DYNC2I1: variants seen among roughly 807,000 people sequenced by gnomAD.
DYNC2I1 encodes the protein cytoplasmic dynein 2 intermediate chain 1.
Under a neutral mutation model 133.4 loss-of-function variants are expected in DYNC2I1, and 89 were observed. That is an observed-to-expected ratio of 0.67 (90% CI 0.56 to 0.80). The LOEUF (loss-of-function observed/expected upper bound fraction) is 0.80, where lower values mean the gene tolerates loss of function less well. Among genes scored for constraint, DYNC2I1 ranks in the 30% least tolerant of loss-of-function variants. The probability of loss-of-function intolerance (pLI) is 0.00; values close to 1 mark genes in which losing one functional copy is unlikely to be tolerated. For synonymous variants in DYNC2I1, 504 were observed against 484.3 expected, an observed-to-expected ratio of 1.04 and a Z score of -0.54; for missense variants, 1,291 against 1,314.5, an observed-to-expected ratio of 0.98 and a Z score of 0.28.
Position 158,945,638 on chromosome 7 carries a change from C to A in DYNC2I1, c.3060C>A (p.Ala1020=). ...AGAAGGCTGGTGGCAGCTTCCTGGC[C>A]CTGGTGCTGGCCAGGGCGTCTGGCT... ...EPEKAGGSFL[A]LVLARASGSI... The change falls in exon 25 of 25, where the codon GCC becomes GCA. Residue 1020 remains alanine (A), a synonymous_variant. Coordinates refer to ENST00000407559, the MANE Select transcript of DYNC2I1 (RefSeq NM_018051.5). This position sits in a 1 kb window ranked among gnomAD's most constrained non-coding sequence, Gnocchi z 4.1. The A allele has an allele frequency of 6.2e-7, 1 of 1,611,830 alleles. No homozygotes were observed. The highest frequency in any genetic ancestry group is 8.5e-7 in the Non-Finnish European group (1 of 1,179,196).
chr7:158,869,463 C>T lies in DYNC2I1; in HGVS notation c.16-392C>T, dbSNP rs114093570. The T allele has an allele frequency of 1.6e-3, 747 of 472,398 alleles. 5 individuals carry two copies. The highest frequency in any genetic ancestry group is 0.013 in the African/African-American group (677 of 50,284). 29.3% of individuals were successfully genotyped at this position (472,398 alleles called of 1,614,324 possible). A position where few individuals can be genotyped will look rare whatever the true frequency, so the allele number is the denominator to read the frequency against. Reference sequence around the variant, plus strand: ...CCAGCGGCCGCAGAAGGAGCACAGACTCCCTCTGTGTGCACAGCATTTGGG... The same window carrying T: ...CCAGCGGCCGCAGAAGGAGCACAGATTCCCTCTGTGTGCACAGCATTTGGG... On this transcript the variant is annotated intron_variant, in intron 1 of 24. Coordinates refer to ENST00000407559, the MANE Select transcript of DYNC2I1 (RefSeq NM_018051.5).
chr7:158,923,584 G>A lies in DYNC2I1; in HGVS notation c.2108G>A (p.Cys703Tyr). 1 of 1,614,006 alleles carries A rather than the reference G, an allele frequency of 6.2e-7. No individual in the cohort carries two copies. Among genetic ancestry groups the A allele is most frequent in the Non-Finnish European group, 8.5e-7 (1 of 1,179,908 alleles). The change falls in exon 17 of 25, where the codon TGC (cysteine) becomes TAC (tyrosine). Residue 703 changes from cysteine to tyrosine, a missense_variant. Coordinates refer to ENST00000407559, the MANE Select transcript of DYNC2I1 (RefSeq NM_018051.5). The part of the protein sequence containing the change: ...LICESQVTCC[C>Y]LSPLKAFLLF... ...TTTGTCTTTTAGGTCACGTGTTGCT[G>A]CTTGAGCCCTTTGAAAGCATTTTTA... is the stretch of plus-strand genomic sequence containing the variant.
chr7:158,865,109 G>A (rs1413448939), intron 1 of DYNC2I1, among the ~76,000 whole-genome samples: 2 of 152,232 alleles, frequency 1.3e-5, no homozygotes, highest in Non-Finnish European at 2.9e-5. Context: ...TGGCACAGGG[G>A]TGGGGTTTGC....
Position 158,871,574 on chromosome 7 carries a change from C to T in DYNC2I1, c.490+12C>T, listed in dbSNP as rs1842881108. On this transcript the variant is annotated intron_variant, in intron 3 of 24. Coordinates refer to ENST00000407559, the MANE Select transcript of DYNC2I1 (RefSeq NM_018051.5). ...GAAAGGCCGCTCAGGTGGGTCCCCG[C>T]TTGCCTTCCTGTGGTTCCACCCGAG... 2.6e-6 allele frequency: 4 copies of T among 1,517,730 alleles called. No homozygotes were observed. Among genetic ancestry groups the T allele is most frequent in the African/African-American group, 2.8e-5 (2 of 71,586 alleles). The allele number at this position is 1,517,730 out of a possible 1,614,324, so 94.0% of individuals were successfully genotyped here.
the DYNC2I1 span, among the ~76,000 whole-genome samples, chr7:158,849,955 A>G: frequency 6.6e-6 from 1 of 152,218 alleles, no homozygotes; most frequent in Non-Finnish European, 1.5e-5. Flanking sequence ...TCCCTGGCCT[A>G]GAGGTGGGGC....
intron 23 of DYNC2I1, among the ~76,000 whole-genome samples, chr7:158,941,529 A>G (rs964214032): frequency 1.1e-4 from 16 of 152,188 alleles, no homozygotes; most frequent in Non-Finnish European, 2.1e-4. Context: ...TGCAGTACAA[A>G]CTAAAGCAAG....
intron 7 of DYNC2I1, among the ~76,000 whole-genome samples, chr7:158,888,019 C>CTTTTTTTTT (rs545903783): frequency 5.2e-5 from 5 of 96,598 alleles, no homozygotes; most frequent in East Asian, 2.8e-4. Context: ...AACCATTGTC[C>CTTTTTTTTT]TTTTTTTTTT....
rs767427932 is a variant in DYNC2I1, at chr7:158,945,563, C to CT, written c.3003-17dup. The CT allele has an allele frequency of 6.3e-7, 1 of 1,590,874 alleles. No homozygotes were observed. The highest frequency in any genetic ancestry group is 1.3e-5 in the African/African-American group (1 of 74,544). ...CTTTGTGTGCACTGACCCTCTGCTT[C>CT]TGCCCCTCTCCCTGCAGGCTGGTGG... On this transcript the variant is annotated splice_polypyrimidine_tract_variant and intron_variant, in intron 24 of 24. Coordinates refer to ENST00000407559, the MANE Select transcript of DYNC2I1 (RefSeq NM_018051.5). This position sits in a 1 kb window ranked among gnomAD's most constrained non-coding sequence, Gnocchi z 4.1.
downstream of DYNC2I1, among the ~76,000 whole-genome samples, chr7:158,957,504 A>T (rs1227989567): frequency 6.6e-6 from 1 of 152,252 alleles, no homozygotes; most frequent in Admixed American, 6.5e-5. Context: ...AGTGGGTAGC[A>T]GCTGGAGGGG....
the DYNC2I1 span, among the ~76,000 whole-genome samples, chr7:158,849,980 G>T: frequency 6.6e-6 from 1 of 152,186 alleles, no homozygotes; most frequent in Non-Finnish European, 1.5e-5. Context: ...CTGGGGGCCT[G>T]GCCCTTTTGC....
chr7:158,953,115 C>T (rs937785743), intron 4 of DYNC2I1, among the ~76,000 whole-genome samples: 8 of 152,158 alleles, frequency 5.3e-5, no homozygotes, highest in Non-Finnish European at 1.0e-4. Flanking sequence ...GCTGTTCCTA[C>T]CCTCCTCGCC....
rs558527968 is a variant in DYNC2I1, at chr7:158,898,854, A to G, written c.1060-2885A>G. Among the ~76,000 whole-genome samples, 159 of 148,134 alleles carry G rather than the reference A, an allele frequency of 1.1e-3. 1 individual carries two copies. The highest frequency in any genetic ancestry group is 7.0e-3 in the Middle Eastern group (2 of 284). ...ATTCTATTTTCTCTCCTTTCTTAGC[A>G]TATCAGTTAAAGGTTGTTTTTTTTT... On this transcript the variant is annotated intron_variant, in intron 8 of 24. Coordinates refer to ENST00000407559, the MANE Select transcript of DYNC2I1 (RefSeq NM_018051.5).
intron 14 of DYNC2I1, among the ~76,000 whole-genome samples, chr7:158,914,919 A>G (rs1847869822): frequency 6.6e-6 from 1 of 152,248 alleles, no homozygotes; most frequent in African/African-American, 2.4e-5. Flanking sequence ...AGTAATTAGT[A>G]ATAACTTATA....
chr7:158,869,783 T>C lies in DYNC2I1; in HGVS notation c.16-72T>C, dbSNP rs1842717731. 2.5e-6 allele frequency: 3 copies of C among 1,212,132 alleles called. No homozygotes were observed. In the Admixed American group the frequency reaches 6.9e-5, roughly 28 times the overall value. The allele number at this position is 1,212,132 out of a possible 1,614,324, so 75.1% of individuals were successfully genotyped here. ...ACTGCCATTGATTTAAATGGCATAA[T>C]GAAAAAGCAGCTCACTACAACACTG... On this transcript the variant is annotated intron_variant, in intron 1 of 24. Coordinates refer to ENST00000407559, the MANE Select transcript of DYNC2I1 (RefSeq NM_018051.5).
chr7:158,910,030 A>AT (rs1165746454), intron 11 of DYNC2I1, among the ~76,000 whole-genome samples: 1 of 152,214 alleles, frequency 6.6e-6, no homozygotes, highest in Non-Finnish European at 1.5e-5. Flanking sequence ...TCACTCGGTC[A>AT]TTCACTGTGC....
chr7:158,887,746 C>G (rs1366070477), intron 7 of DYNC2I1, among the ~76,000 whole-genome samples: 1 of 152,192 alleles, frequency 6.6e-6, no homozygotes, highest in Non-Finnish European at 1.5e-5. Context: ...CTACCAAGCA[C>G]ATGTTATTAA....
intron 11 of DYNC2I1, among the ~76,000 whole-genome samples, chr7:158,908,490 G>A (rs61616786): frequency 0.063 from 9,545 of 152,222 alleles, 398 homozygotes; most frequent in African/African-American, 0.11. Flanking sequence ...ATATGATAGA[G>A]ACTTATTATC....
At chr7:158,876,477 T>C in intron 3 of DYNC2I1, 132 bp from the exon 4 acceptor site, 1 of 1,173,934 alleles carries the variant, frequency 8.5e-7, no homozygotes. Flanking sequence ...GGCATGTGTT[T>C]TAGTTGAAGA....
intron 8 of DYNC2I1, among the ~76,000 whole-genome samples, chr7:158,892,869 C>T (rs181351941): frequency 1.4e-5 from 2 of 147,490 alleles, no homozygotes; most frequent in Admixed American, 7.0e-5. Flanking sequence ...ACCCAGGAGG[C>T]GGAGGTTGCA....
Sources: allele counts gnomAD v4.1 joint callset (sites outside exome capture counted in the v4.1 genomes callset), GRCh38; gene constraint gnomAD v4.1.1; non-coding constraint Gnocchi (gnomAD v3.1); transcripts MANE v1.5; gene names NCBI Gene and HGNC (gene_info 2026-07-23, HGNC 2026-07-21).